ZSCAN12: variants seen among roughly 807,000 people sequenced by gnomAD.
ZSCAN12 encodes the protein zinc finger and SCAN domain-containing protein 12.
Under a neutral mutation model 23.4 loss-of-function variants are expected in ZSCAN12, and 18 were observed. The observed-to-expected ratio is 0.77, with a 90% CI of 0.53 to 1.14. The LOEUF is 1.14. ZSCAN12 is among the 50% of genes most tolerant of loss of function. The pLI is 0.00. For missense variants in ZSCAN12, 650 were observed against 735.0 expected, an observed-to-expected ratio of 0.88 and a Z score of 1.34; for synonymous variants, 186 against 253.4, an observed-to-expected ratio of 0.73 and a Z score of 2.53.
chr6:28,390,217 C>T lies in ZSCAN12; in HGVS notation c.*237G>A, dbSNP rs1760745795. On this transcript the variant is annotated 3_prime_UTR_variant, in exon 4 of 4. Transcript: ENST00000684592. ...TCTACTCTCCTGTAGTCTTATATGA[C>T]TAAATATGTGGATCTTATCTATCCC... Among the ~76,000 whole-genome samples the T allele has an allele frequency of 6.6e-6, 1 of 152,188 alleles. No individual in the cohort carries two copies. Among genetic ancestry groups the T allele is most frequent in the African/African-American group, 2.4e-5 (1 of 41,434 alleles).
intron 2 of ZSCAN12, among the ~76,000 whole-genome samples, chr6:28,396,319 A>G (rs376353124): frequency 2.0e-5 from 3 of 152,160 alleles, no homozygotes; most frequent in East Asian, 1.9e-4. Flanking sequence ...TTGCATTCAC[A>G]GTGCCTAAAA....
intron 1 of ZSCAN12, among the ~76,000 whole-genome samples, chr6:28,398,932 C>CAAAAAAAAAAAA (rs369893339): frequency 6.6e-5 from 6 of 90,902 alleles, no homozygotes; most frequent in Admixed American, 2.4e-4. Flanking sequence ...GACTCCGTCT[C>CAAAAAAAAAAAA]AAAAAAAAAA....
chr6:28,382,876 G>A (rs1041164098), downstream of ZSCAN12, among the ~76,000 whole-genome samples: 1 of 151,716 alleles, frequency 6.6e-6, no homozygotes, highest in Non-Finnish European at 1.5e-5. Flanking sequence ...ATAAACGGCA[G>A]AGATAAGAAC....
chr6:28,390,684 C>T lies in ZSCAN12; in HGVS notation c.1606G>A (p.Gly536Arg). 1.2e-6 allele frequency: 2 copies of T among 1,612,364 alleles called. No homozygotes were observed. The highest frequency in any genetic ancestry group is 1.7e-6 in the Non-Finnish European group (2 of 1,179,464). The change falls in exon 4 of 4, where the codon GGA (glycine) becomes AGA (arginine). Residue 536 changes from glycine (G) to arginine (R), a missense_variant. Gly to Arg is a moderately radical substitution (Grantham distance 125). Transcript: ENST00000684592. The part of the protein sequence containing the change: ...KCDECGNAFR[G>R]ITSLIQHQRI... The stretch of plus-strand genomic sequence containing the variant: ...TGATGCTGAATGAGGCTGGTGATTC[C>T]TCGGAAGGCATTCCCACACTCATCA...
chr6:28,393,161 C>A, intron 2 of ZSCAN12, 115 bp from the exon 3 acceptor site: 1 of 1,096,784 alleles, frequency 9.1e-7, no homozygotes, highest in South Asian at 1.7e-5. Context: ...TATAAGCCTG[C>A]CATAACCCTA....
In ZSCAN12 at chr6:28,385,153, C is replaced by T. The variant is rs1760477772; in HGVS notation, c.*5301G>A. Among the ~76,000 whole-genome samples, 1 of 152,138 alleles carries T rather than the reference C, an allele frequency of 6.6e-6. No homozygotes were observed. Among genetic ancestry groups the T allele is most frequent in the Non-Finnish European group, 1.5e-5 (1 of 68,026 alleles). The stretch of plus-strand genomic sequence containing the variant: ...TGAAAACTGGCATTAAAGATAGATC[C>T]ATAATGGGTTATCAACACTTGGGGA... On this transcript the variant is annotated 3_prime_UTR_variant, in exon 4 of 4. Transcript: ENST00000684592.
At position 28,385,264 on chromosome 6, in the gene ZSCAN12, A is replaced by G. The variant is rs1362203483; in HGVS notation, c.*5190T>C. Among the ~76,000 whole-genome samples the G allele has an allele frequency of 6.6e-6, 1 of 152,204 alleles. No individual in the cohort carries two copies. The highest frequency in any genetic ancestry group is 1.5e-5 in the Non-Finnish European group (1 of 68,032). On this transcript the variant is annotated 3_prime_UTR_variant, in exon 4 of 4. Coordinates refer to ENST00000684592, the MANE Select transcript of ZSCAN12 (RefSeq NM_001163391.2). Reference sequence around the variant, plus strand: ...TAATGCAGAGTGATTTATCATTCTAAGAAGGGTGATCTTTTCATATAAAGA... The same window carrying G: ...TAATGCAGAGTGATTTATCATTCTAGGAAGGGTGATCTTTTCATATAAAGA...
chr6:28,391,870 A>C lies in ZSCAN12; in HGVS notation c.548-128T>G, dbSNP rs1760857961. ...ATCTTAGTGATAAAGAGAGCAAAAT[A>C]TATTTGTTTCAATATGGAAAACATA... On this transcript the variant is annotated intron_variant, in intron 3 of 3. Transcript: ENST00000684592. This position sits in a 1 kb window ranked among gnomAD's most constrained non-coding sequence, Gnocchi z 4.1. 1 of 779,034 alleles carries C rather than the reference A, an allele frequency of 1.3e-6. No homozygotes were observed. The highest frequency in any genetic ancestry group is 1.9e-6 in the Non-Finnish European group (1 of 520,266). 48.3% of individuals were successfully genotyped at this position (779,034 alleles called of 1,614,324 possible). A position where few individuals can be genotyped will look rare whatever the true frequency, so the allele number is the denominator to read the frequency against.
intron 2 of ZSCAN12, among the ~76,000 whole-genome samples, chr6:28,396,341 CCAAA>C (rs1761106686): frequency 1.3e-5 from 2 of 152,106 alleles, no homozygotes; most frequent in Admixed American, 1.3e-4. Context: ...AGTACCTAGT[CCAAA>C]CAGACATTCG....
Position 28,391,211 on chromosome 6 carries a change from C to A in ZSCAN12, c.1079G>T (p.Cys360Phe). 3.9e-6 allele frequency: 6 copies of A among 1,551,904 alleles called. No homozygotes were observed. The highest frequency in any genetic ancestry group is 5.2e-6 in the Non-Finnish European group (6 of 1,147,050). Residue 360 changes from cysteine to phenylalanine, a missense_variant, in exon 4 of 4, where the codon TGT becomes TTT. By Grantham distance (205) the Cys-to-Phe change is radical. Coordinates refer to ENST00000684592, the MANE Select transcript of ZSCAN12 (RefSeq NM_001163391.2). The surrounding 1 kb of genome is among the most constrained non-coding windows in gnomAD (Gnocchi z 4.1). Reference protein sequence around the residue: ...RLHTGEKHYHCNDCGKAFSQK... With the variant: ...RLHTGEKHYHFNDCGKAFSQK... The stretch of plus-strand genomic sequence containing the variant: ...ACTAAAGGCTTTGCCACAGTCATTA[C>A]AGTGATAGTGTTTTTCTCCTGTGTG...
Position 28,390,504 on chromosome 6 carries a change from GAGCTGAGTTCTGCCTGAATGATTTCCCAC to G in ZSCAN12, c.1757_1785del (p.Cys586SerfsTer56). 1 of 1,551,532 alleles carries G rather than the reference GAGCTGAGTTCTGCCTGAATGATTTCCCAC, an allele frequency of 6.4e-7. No homozygotes were observed. The highest frequency in any genetic ancestry group is 1.2e-5 in the South Asian group (1 of 83,314). ...TTGTGGATAGTCTGATGTTGAGTAAGAGCTGAGTTCTGCCTGAATGATTTCCCACACTCTTTACATACATAGGTACCACG... is the reference window on the plus strand; with the variant it reads ...TTGTGGATAGTCTGATGTTGAGTAAGACTCTTTACATACATAGGTACCACG... On this transcript the variant is annotated frameshift_variant, in exon 4 of 4. Coordinates refer to ENST00000684592, the MANE Select transcript of ZSCAN12 (RefSeq NM_001163391.2). LOFTEE classifies it low-confidence loss of function (END_TRUNC).
intron 2 of ZSCAN12, among the ~76,000 whole-genome samples, chr6:28,395,366 C>T (rs976166889): frequency 5.9e-5 from 9 of 152,186 alleles, no homozygotes; most frequent in Admixed American, 3.9e-4. Flanking sequence ...CCTTAACTTA[C>T]TTTCTCTCAT....
At chr6:28,392,476 T>G (rs1760895533) in intron 3 of ZSCAN12, among the ~76,000 whole-genome samples, 2 of 152,030 alleles carry the variant, frequency 1.3e-5, no homozygotes, top group Non-Finnish European at 2.9e-5. Context: ...GCACCCAGCC[T>G]GTTACTCCTT....
intron 2 of ZSCAN12, among the ~76,000 whole-genome samples, chr6:28,395,408 C>T (rs1761057988): frequency 6.6e-6 from 1 of 152,210 alleles, no homozygotes; most frequent in Non-Finnish European, 1.5e-5. Context: ...CAAACCCTGT[C>T]AAGCTCTAGC....
chr6:28,392,263 C>T (rs1341384991), intron 3 of ZSCAN12, among the ~76,000 whole-genome samples: 1 of 151,486 alleles, frequency 6.6e-6, no homozygotes. Context: ...CTGCAACCTC[C>T]GCCTCCTAGG....
chr6:28,379,000 A>G (rs958154420), exon 5 of ZSCAN12: 1 of 152,168 alleles, frequency 6.6e-6, no homozygotes, highest in Non-Finnish European at 1.5e-5. Context: ...TATGCAAAAA[A>G]TTTAGGGATG....
downstream of ZSCAN12, among the ~76,000 whole-genome samples, chr6:28,383,604 C>T (rs1025763241): frequency 6.6e-6 from 1 of 152,206 alleles, no homozygotes; most frequent in Non-Finnish European, 1.5e-5. Context: ...CGAGGCCGGC[C>T]TTCCAGCTGC....
intron 2 of ZSCAN12, among the ~76,000 whole-genome samples, chr6:28,394,877 T>G (rs931060854): frequency 1.3e-5 from 2 of 152,074 alleles, no homozygotes; most frequent in Non-Finnish European, 2.9e-5. Flanking sequence ...TCTAGTTGTT[T>G]GCTCAACTTT....
Position 28,391,343 on chromosome 6 carries a change from A to G in ZSCAN12, c.947T>C (p.Val316Ala), listed in dbSNP as rs998258002. ...ECGKAFRGRTVLIRHKIIHTG... is the reference protein window; with the variant it reads ...ECGKAFRGRTALIRHKIIHTG... ...GTGTATTATTTTGTGTCGAATAAGC[A>G]CAGTTCTCCCACGGAAAGCTTTTCC... The change falls in exon 4 of 4, where the codon GTG (valine) becomes GCG (alanine). Residue 316 changes from valine to alanine, a missense_variant. Val to Ala is a moderately conservative substitution (Grantham distance 64). Transcript: ENST00000684592. This position sits in a 1 kb window ranked among gnomAD's most constrained non-coding sequence, Gnocchi z 4.1. 4 of 1,552,062 alleles carry G rather than the reference A, an allele frequency of 2.6e-6. No homozygotes were observed. The African/African-American group carries it at 5.5e-5, about 21-fold the overall frequency.
Sources: allele counts gnomAD v4.1 joint callset (sites outside exome capture counted in the v4.1 genomes callset), GRCh38; gene constraint gnomAD v4.1.1; non-coding constraint Gnocchi (gnomAD v3.1); transcripts MANE v1.5; gene names NCBI Gene and HGNC (gene_info 2026-07-23, HGNC 2026-07-21).